The following NUDCD1 variants were observed in gnomAD, a reference collection of about 807,000 sequenced individuals.
The protein encoded by NUDCD1 is nudC domain-containing protein 1.
Under a neutral mutation model 67.8 loss-of-function variants are expected in NUDCD1, and 60 were observed. That is an observed-to-expected ratio of 0.88 (90% confidence interval 0.72 to 1.10). NUDCD1 has a LOEUF of 1.10. Ranked by LOEUF, NUDCD1 falls within the 50% of genes least tolerant of loss-of-function variation. The probability of loss-of-function intolerance (pLI) is 0.00; values close to 1 mark genes in which losing one functional copy is unlikely to be tolerated. For synonymous variants in NUDCD1, 244 were observed against 230.8 expected, an observed-to-expected ratio of 1.06 and a Z score of -0.52; for missense variants, 643 against 695.0, an observed-to-expected ratio of 0.93 and a Z score of 0.84.
intron 8 of NUDCD1, among the ~76,000 whole-genome samples, chr8:109,258,569 T>G (rs920869513): frequency 1.3e-5 from 2 of 152,114 alleles, no homozygotes; most frequent in Non-Finnish European, 2.9e-5. Flanking sequence ...TTATGATAGC[T>G]GCTAAAAATG....
intron 2 of NUDCD1, chr8:109,315,163 C>T (rs1199295511): frequency 6.8e-6 from 1 of 147,808 alleles, no homozygotes; most frequent in Non-Finnish European, 1.5e-5. Flanking sequence ...ACGCACAGTT[C>T]TACGTATTTA....
At chr8:109,271,216 C>T (rs1402210357) in intron 7 of NUDCD1, 86 bp from the exon 8 acceptor site, 9 of 868,100 alleles carry the variant, frequency 1.0e-5, no homozygotes, top group Non-Finnish European at 1.6e-5. Flanking sequence ...TTTAAGGTTA[C>T]AGCAGTAATT....
At chr8:109,276,108 A>G (rs1367842575) in intron 6 of NUDCD1, among the ~76,000 whole-genome samples, 2 of 152,242 alleles carry the variant, frequency 1.3e-5, no homozygotes, top group Non-Finnish European at 2.9e-5. Context: ...TGTGTTCTCT[A>G]TTAACTTATT....
intron 2 of NUDCD1, among the ~76,000 whole-genome samples, chr8:109,308,077 G>T (rs185864590): frequency 2.0e-5 from 3 of 152,258 alleles, no homozygotes; most frequent in Non-Finnish European, 2.9e-5. Context: ...AAGACAGAAG[G>T]TCTACAAAGA....
At chr8:109,260,004 T>A (rs901850233) in intron 8 of NUDCD1, among the ~76,000 whole-genome samples, 2 of 152,120 alleles carry the variant, frequency 1.3e-5, no homozygotes. Flanking sequence ...AAAAACAGTA[T>A]GAATATTTAC....
intron 2 of NUDCD1, among the ~76,000 whole-genome samples, chr8:109,299,155 C>T (rs955392310): frequency 6.6e-6 from 1 of 152,118 alleles, no homozygotes; most frequent in Non-Finnish European, 1.5e-5. Context: ...AGGGGTCCTT[C>T]GGGAGGGCAG....
chr8:109,281,466 CCTCT>C (rs1814437240), intron 5 of NUDCD1, among the ~76,000 whole-genome samples: 1 of 152,018 alleles, frequency 6.6e-6, no homozygotes, highest in Non-Finnish European at 1.5e-5. Context: ...TCCCTTCCTC[CCTCT>C]TTCACTCCTT....
intron 8 of NUDCD1, among the ~76,000 whole-genome samples, chr8:109,267,005 G>C (rs1814018529): frequency 6.6e-6 from 1 of 152,020 alleles, no homozygotes; most frequent in African/African-American, 2.4e-5. Context: ...CCCATGTAAG[G>C]TAATTTCAAA....
At chr8:109,301,461 C>G (rs921639555) in intron 2 of NUDCD1, among the ~76,000 whole-genome samples, 2 of 152,200 alleles carry the variant, frequency 1.3e-5, no homozygotes, top group Non-Finnish European at 2.9e-5. Flanking sequence ...TCACACAAAG[C>G]CTGTTTGGTG....
At chr8:109,302,024 T>C (rs773488579) in intron 2 of NUDCD1, among the ~76,000 whole-genome samples, 75 of 152,150 alleles carry the variant, frequency 4.9e-4, no homozygotes, top group Non-Finnish European at 7.4e-4. Context: ...CTTCTCCCTG[T>C]CTCTACCCTC....
chr8:109,278,725 G>A (rs1814358181), intron 6 of NUDCD1, among the ~76,000 whole-genome samples: 1 of 152,020 alleles, frequency 6.6e-6, no homozygotes, highest in African/African-American at 2.4e-5. Context: ...TTTATTTATT[G>A]CTAGCACTTT....
intron 3 of NUDCD1, among the ~76,000 whole-genome samples, chr8:109,294,020 C>T (rs1242739376): frequency 2.0e-5 from 3 of 151,558 alleles, no homozygotes. Context: ...CATATAAAAA[C>T]ACACAAAATC....
chr8:109,276,174 G>T (rs1814282669), intron 6 of NUDCD1, among the ~76,000 whole-genome samples: 1 of 152,156 alleles, frequency 6.6e-6, no homozygotes, highest in Admixed American at 6.5e-5. Flanking sequence ...CACTTAAAAT[G>T]GTCTGTCAGG....
At chr8:109,328,602 A>G (rs1181770272) in intron 1 of NUDCD1, among the ~76,000 whole-genome samples, 1 of 152,218 alleles carries the variant, frequency 6.6e-6, no homozygotes, top group East Asian at 1.9e-4. Context: ...CCCAATAAGC[A>G]GAATGGAGAA....
chr8:109,251,249 C>G (rs7832202), intron 8 of NUDCD1, among the ~76,000 whole-genome samples: 3,005 of 149,772 alleles, frequency 0.02, 103 homozygotes, highest in African/African-American at 0.07. Context: ...TCTCGGCTCA[C>G]TGCAACCTCT....
At chr8:109,318,821 C>T (rs1011965714) in intron 2 of NUDCD1, among the ~76,000 whole-genome samples, 14 of 152,156 alleles carry the variant, frequency 9.2e-5, no homozygotes. Context: ...CAACTCCCAA[C>T]AGTAATAATG....
chr8:109,302,540 A>G (rs1815013567), intron 2 of NUDCD1, among the ~76,000 whole-genome samples: 1 of 150,686 alleles, frequency 6.6e-6, no homozygotes, highest in Admixed American at 6.6e-5. Context: ...CCACTCCCCC[A>G]CCCTATAACC....
chr8:109,242,096 C>A lies in NUDCD1; in HGVS notation c.*913G>T. ...GTGGTAAGATTGTTCCATCAATGGC[C>A]CCCAATGAGTCATACCATCCGCTGT... On this transcript the variant is annotated 3_prime_UTR_variant, in exon 10 of 10. Coordinates refer to ENST00000239690, the MANE Select transcript of NUDCD1 (RefSeq NM_032869.4). 1 of 398,028 alleles carries A rather than the reference C, an allele frequency of 2.5e-6. No homozygotes were observed. The highest frequency in any genetic ancestry group is 4.4e-6 in the Non-Finnish European group (1 of 225,746). 24.7% of individuals were successfully genotyped at this position (398,028 alleles called of 1,614,324 possible).
At chr8:109,330,870 C>T (rs1160112348) in intron 1 of NUDCD1, among the ~76,000 whole-genome samples, 1 of 152,130 alleles carries the variant, frequency 6.6e-6, no homozygotes, top group Non-Finnish European at 1.5e-5. Flanking sequence ...GGGAACAACA[C>T]ACACTGTGGT....
Sources: gnomAD v4.1 joint callset for allele counts (sites outside exome capture counted in the v4.1 genomes callset) on GRCh38, gnomAD v4.1.1 for gene constraint, MANE v1.5 for transcripts, NCBI Gene and HGNC (gene_info 2026-07-23, HGNC 2026-07-21) for gene names.